Variants in BMAL2 observed in about 807,000 individuals in gnomAD.
BMAL2 encodes basic helix-loop-helix ARNT like 2.
the BMAL2 span, among the ~76,000 whole-genome samples, chr12:27,334,579 C>G: frequency 3.9e-5 from 6 of 152,128 alleles, no homozygotes; most frequent in African/African-American, 1.4e-4. Flanking sequence ...GAAAATGCAC[C>G]TACTAATTCA....
the BMAL2 span, among the ~76,000 whole-genome samples, chr12:27,365,758 G>A: frequency 6.8e-6 from 1 of 148,130 alleles, no homozygotes; most frequent in African/African-American, 2.5e-5. Flanking sequence ...GAAAAATCTT[G>A]CCATAAAGTT....
chr12:27,424,806 G>A, the BMAL2 span: 6 of 152,186 alleles, frequency 3.9e-5, no homozygotes, highest in Middle Eastern at 3.2e-3. Flanking sequence ...TGGCCACTAG[G>A]TGCCACTTTT....
the BMAL2 span, among the ~76,000 whole-genome samples, chr12:27,341,645 C>G: frequency 1.3e-5 from 2 of 152,296 alleles, no homozygotes; most frequent in Non-Finnish European, 2.9e-5. Context: ...GCATAATGAC[C>G]TATGTTGTTC....
At chr12:27,398,531 T>G in the BMAL2 span, among the ~76,000 whole-genome samples, 1 of 151,708 alleles carries the variant, frequency 6.6e-6, no homozygotes. Context: ...TTTTTTTCTT[T>G]TCTAAATAGG....
the BMAL2 span, among the ~76,000 whole-genome samples, chr12:27,380,750 T>G: frequency 6.6e-5 from 10 of 152,172 alleles, no homozygotes; most frequent in Admixed American, 6.5e-4. Flanking sequence ...TGGCTCATGC[T>G]TGTAATCCCC....
the BMAL2 span, among the ~76,000 whole-genome samples, chr12:27,333,689 C>G: frequency 6.6e-6 from 1 of 152,248 alleles, no homozygotes; most frequent in African/African-American, 2.4e-5. Flanking sequence ...TCCGGGATCG[C>G]AGCCCGCTCC....
chr12:27,386,666 G>C, the BMAL2 span, among the ~76,000 whole-genome samples: 1 of 152,116 alleles, frequency 6.6e-6, no homozygotes, highest in African/African-American at 2.4e-5. Context: ...GTCTGGCTCT[G>C]TTGCCTAGGC....
At chr12:27,418,219 T>C in the BMAL2 span, 5 of 1,545,216 alleles carry the variant, frequency 3.2e-6, no homozygotes, top group East Asian at 6.9e-5. Flanking sequence ...TGGGAACTGC[T>C]GACCATTTTC....
chr12:27,411,117 A>T, the BMAL2 span, among the ~76,000 whole-genome samples: 1 of 152,064 alleles, frequency 6.6e-6, no homozygotes, highest in Non-Finnish European at 1.5e-5. Flanking sequence ...TATACAGAAT[A>T]GTTATTGTGT....
chr12:27,341,558 A>G, the BMAL2 span, among the ~76,000 whole-genome samples: 1 of 152,230 alleles, frequency 6.6e-6, no homozygotes, highest in Non-Finnish European at 1.5e-5. Flanking sequence ...ATTCTTCTGA[A>G]AAGCATAAGT....
the BMAL2 span, chr12:27,421,264 G>A: frequency 1.3e-5 from 2 of 152,156 alleles, no homozygotes; most frequent in Admixed American, 1.3e-4. Context: ...ACTCTTAATA[G>A]GCCAGACGTG....
the BMAL2 span, chr12:27,370,182 C>T: frequency 1.2e-6 from 2 of 1,613,982 alleles, no homozygotes; most frequent in Non-Finnish European, 1.7e-6. Context: ...AATCCCCTTA[C>T]CTATCTTCTT....
At chr12:27,403,291 A>G in the BMAL2 span, 1 of 621,974 alleles carries the variant, frequency 1.6e-6, no homozygotes, top group Admixed American at 3.2e-5. Flanking sequence ...ATCATGAATT[A>G]CATATGTAAT....
At chr12:27,370,894 G>A in the BMAL2 span, among the ~76,000 whole-genome samples, 5 of 152,168 alleles carry the variant, frequency 3.3e-5, no homozygotes, top group East Asian at 3.9e-4. Flanking sequence ...ATAAGCCACC[G>A]CACCCGGCTG....
At chr12:27,387,783 C>G in the BMAL2 span, among the ~76,000 whole-genome samples, 1 of 152,128 alleles carries the variant, frequency 6.6e-6, no homozygotes, top group African/African-American at 2.4e-5. Context: ...AGTACTTCAC[C>G]TCCTTATTAC....
chr12:27,356,469 C>T, the BMAL2 span, among the ~76,000 whole-genome samples: 347 of 152,292 alleles, frequency 2.3e-3, no homozygotes, highest in African/African-American at 8.1e-3. Flanking sequence ...ATCAGTTTTA[C>T]GCTGTGGCCA....
chr12:27,377,676 G>A, the BMAL2 span, among the ~76,000 whole-genome samples: 2 of 152,178 alleles, frequency 1.3e-5, no homozygotes, highest in Non-Finnish European at 2.9e-5. Flanking sequence ...AGAAGTTTGA[G>A]GCTGCAGTGA....
chr12:27,351,688 C>T, the BMAL2 span, among the ~76,000 whole-genome samples: 23 of 152,336 alleles, frequency 1.5e-4, no homozygotes, highest in South Asian at 3.5e-3. Context: ...TAGCCTGCCT[C>T]ACCTGTTCCT....
the BMAL2 span, among the ~76,000 whole-genome samples, chr12:27,416,724 G>A: frequency 6.6e-6 from 1 of 152,194 alleles, no homozygotes; most frequent in South Asian, 2.1e-4. Context: ...TCAGGAGGCT[G>A]AGGTGGGAAG....
Sources: allele counts gnomAD v4.1 joint callset (sites outside exome capture counted in the v4.1 genomes callset), GRCh38; gene constraint gnomAD v4.1.1; transcripts MANE v1.5; gene names NCBI Gene and HGNC (gene_info 2026-07-23, HGNC 2026-07-21).